CNGB3: variants seen among roughly 807,000 people sequenced by gnomAD.
The protein encoded by CNGB3 is cyclic nucleotide-gated channel beta-3.
CNGB3 carries 86 observed loss-of-function variants against 92.8 expected under a neutral mutation model. The ratio of observed to expected loss-of-function variants is 0.93; its 90% confidence interval spans 0.78 to 1.11. The LOEUF is 1.11. Among genes scored for constraint, CNGB3 ranks in the 50% least tolerant of loss-of-function variants. CNGB3 has a pLI of 0.00. For missense variants in CNGB3, 1,026 were observed against 956.8 expected (o/e 1.07, Z -0.95); for synonymous variants, 333 against 332.7 (o/e 1.00, Z -0.01).
chr8:86,695,873 G>A (rs750652300), intron 3 of CNGB3, among the ~76,000 whole-genome samples: 2 of 152,104 alleles, frequency 1.3e-5, no homozygotes, highest in Non-Finnish European at 2.9e-5. Context: ...TTCTCTTCGA[G>A]ATGGGGCTTC....
At chr8:86,640,808 T>C (rs1399836571) in intron 10 of CNGB3, among the ~76,000 whole-genome samples, 2 of 152,062 alleles carry the variant, frequency 1.3e-5, no homozygotes, top group Non-Finnish European at 2.9e-5. Flanking sequence ...CTAATGTTAA[T>C]TGACAATCTC....
At chr8:86,593,817 C>A in intron 15 of CNGB3, 1 of 1,232,554 alleles carries the variant, frequency 8.1e-7, no homozygotes, top group Non-Finnish European at 1.2e-6. Flanking sequence ...TTGTCCACAT[C>A]TGTCAGGTCA....
At chr8:86,736,236 G>A (rs1414316216) in intron 2 of CNGB3, among the ~76,000 whole-genome samples, 3 of 152,066 alleles carry the variant, frequency 2.0e-5, no homozygotes, top group Non-Finnish European at 4.4e-5. Flanking sequence ...CATATCAGAG[G>A]CTATCTTTAA....
chr8:86,645,525 A>G (rs1259455605), intron 8 of CNGB3, among the ~76,000 whole-genome samples: 4 of 151,296 alleles, frequency 2.6e-5, no homozygotes, highest in Non-Finnish European at 5.9e-5. Flanking sequence ...TACATGAGTT[A>G]ATATATTTAA....
intron 15 of CNGB3, among the ~76,000 whole-genome samples, chr8:86,585,171 G>C (rs867339334): frequency 6.6e-6 from 1 of 151,944 alleles, no homozygotes; most frequent in Non-Finnish European, 1.5e-5. Context: ...GTGTATTCAG[G>C]GACTGTGTAA....
At chr8:86,588,598 T>C (rs919804199) in intron 15 of CNGB3, among the ~76,000 whole-genome samples, 1 of 151,438 alleles carries the variant, frequency 6.6e-6, no homozygotes, top group Non-Finnish European at 1.5e-5. Flanking sequence ...GAGATAATCA[T>C]GCGGTTTTTG....
intron 14 of CNGB3, among the ~76,000 whole-genome samples, chr8:86,607,590 C>T (rs1478428263): frequency 6.6e-6 from 1 of 152,174 alleles, no homozygotes; most frequent in African/African-American, 2.4e-5. Flanking sequence ...TGCAAATTCT[C>T]AGTTTACTGA....
chr8:86,698,721 T>C (rs951969482), intron 3 of CNGB3, among the ~76,000 whole-genome samples: 2 of 152,040 alleles, frequency 1.3e-5, no homozygotes, highest in African/African-American at 4.8e-5. Flanking sequence ...GGTAGTTTGT[T>C]AGAGAGGGTG....
At chr8:86,724,986 T>C (rs1825035815) in intron 3 of CNGB3, among the ~76,000 whole-genome samples, 1 of 152,122 alleles carries the variant, frequency 6.6e-6, no homozygotes, top group African/African-American at 2.4e-5. Flanking sequence ...TTTTTGTTTT[T>C]GAGCTATGCT....
At position 86,644,803 on chromosome 8, in the gene CNGB3, A is replaced by G. The variant is rs1006047994; in HGVS notation, c.991-117T>C. Reference sequence around the variant, plus strand: ...AATAATTTCATTCATATGTCTTTTTAAAAAAACCAAGATCCTGTTTAGTGA... The same window carrying G: ...AATAATTTCATTCATATGTCTTTTTGAAAAAACCAAGATCCTGTTTAGTGA... On this transcript the variant is annotated intron_variant, in intron 8 of 17. Transcript: ENST00000320005. 1.4e-5 allele frequency: 10 copies of G among 713,394 alleles called. No individual in the cohort carries two copies. In the African/African-American group the frequency reaches 1.7e-4, roughly 12 times the overall value. 44.2% of individuals were successfully genotyped at this position (713,394 alleles called of 1,614,324 possible).
At position 86,643,727 on chromosome 8, in the gene CNGB3, G is replaced by T. The variant is rs537889407; in HGVS notation, c.1178+24C>A. The T allele has an allele frequency of 8.6e-5, 138 of 1,600,352 alleles. 1 individual carries two copies. In the South Asian group the frequency reaches 1.5e-3, roughly 17 times the overall value. On this transcript the variant is annotated intron_variant, in intron 10 of 17. Transcript: ENST00000320005. ...AGAATGTTAAAAATAATCAATAAAGGTTTCTTTCAAAATCAGAACTTACTC... is the reference window on the plus strand; with the variant it reads ...AGAATGTTAAAAATAATCAATAAAGTTTTCTTTCAAAATCAGAACTTACTC...
At chr8:86,610,608 T>G (rs190805105) in intron 14 of CNGB3, among the ~76,000 whole-genome samples, 2 of 152,336 alleles carry the variant, frequency 1.3e-5, no homozygotes, top group Admixed American at 6.5e-5. Flanking sequence ...AACACATTAT[T>G]TTGAAATGAT....
At position 86,610,959 on chromosome 8, in the gene CNGB3, C is replaced by T. The variant is rs747101749; in HGVS notation, c.1662+629G>A. Among the ~76,000 whole-genome samples, 4 of 152,122 alleles carry T rather than the reference C, an allele frequency of 2.6e-5. No individual in the cohort carries two copies. The South Asian group carries it at 8.3e-4, about 31-fold the overall frequency. On this transcript the variant is annotated intron_variant, in intron 14 of 17. Transcript: ENST00000320005. ...ATAGTGTTCATATGATATATTGTTA[C>T]ATGACAAAACATGTTTCAGAACATA...
intron 6 of CNGB3, chr8:86,658,950 C>G: frequency 2.8e-6 from 3 of 1,070,372 alleles, no homozygotes; most frequent in Non-Finnish European, 4.3e-6. Flanking sequence ...GTTCAGGAGA[C>G]TCAAGCCCTC....
chr8:86,597,178 CA>C (rs1473991058), intron 15 of CNGB3, among the ~76,000 whole-genome samples: 2 of 152,114 alleles, frequency 1.3e-5, no homozygotes, highest in Non-Finnish European at 2.9e-5. Context: ...TAATAAAAAA[CA>C]ATGTGGCTTT....
chr8:86,647,136 T>A lies in CNGB3; in HGVS notation c.990+665A>T, dbSNP rs1823304072. Among the ~76,000 whole-genome samples the A allele has an allele frequency of 2.6e-5, 4 of 151,224 alleles. No homozygotes were observed. The South Asian group carries it at 8.3e-4, about 31-fold the overall frequency. ...TAACTAGCTTTTTTACTTAGCAATT[T>A]ATCTTGAAGTTTTTTCCATATCAGT... On this transcript the variant is annotated intron_variant, in intron 8 of 17. Coordinates refer to ENST00000320005, the MANE Select transcript of CNGB3 (RefSeq NM_019098.5).
chr8:86,670,146 C>T (rs1450371205), intron 4 of CNGB3, among the ~76,000 whole-genome samples: 2 of 152,138 alleles, frequency 1.3e-5, no homozygotes, highest in Admixed American at 1.3e-4. Flanking sequence ...CTACGCCTGG[C>T]CAATTAATTT....
chr8:86,642,211 A>G (rs957337716), intron 10 of CNGB3, among the ~76,000 whole-genome samples: 1 of 151,834 alleles, frequency 6.6e-6, no homozygotes, highest in Non-Finnish European at 1.5e-5. Flanking sequence ...ATGCAATCCT[A>G]TATTGTTTTG....
chr8:86,575,887 A>T lies in CNGB3; in HGVS notation c.2347T>A (p.Ser783Thr). The change falls in exon 18 of 18, where the codon TCA (serine) becomes ACA (threonine). Residue 783 changes from serine (S) to threonine (T), a missense_variant. Coordinates refer to ENST00000320005, the MANE Select transcript of CNGB3 (RefSeq NM_019098.5). Reference protein sequence around the residue: ...TVLPRGTSRQSLIISMAPSAE... With the variant: ...TVLPRGTSRQTLIISMAPSAE... ...GAAGGAGCCATGCTGATAATGAGTG[A>T]TTGACGAGAAGTCCCTCTGGGTAAA... 3 of 1,613,202 alleles carry T rather than the reference A, an allele frequency of 1.9e-6. No individual in the cohort carries two copies. The highest frequency in any genetic ancestry group is 2.5e-6 in the Non-Finnish European group (3 of 1,179,814).
Sources: gnomAD v4.1 joint callset for allele counts (sites outside exome capture counted in the v4.1 genomes callset) on GRCh38, gnomAD v4.1.1 for gene constraint, MANE v1.5 for transcripts, NCBI Gene and HGNC (gene_info 2026-07-23, HGNC 2026-07-21) for gene names.